The following EPB41L2 variants were observed in gnomAD, a reference collection of about 807,000 sequenced individuals.
EPB41L2 encodes band 4.1-like protein 2.
In EPB41L2, 43 loss-of-function variants were observed where a neutral mutation model predicts 113.0. The ratio of observed to expected loss-of-function variants is 0.38; its 90% CI spans 0.30 to 0.49. The LOEUF is 0.49. EPB41L2 is among the 20% of genes least tolerant of loss of function. EPB41L2 has a pLI of 0.95. For missense variants in EPB41L2, 1,147 were observed against 1,223.4 expected (o/e 0.94, Z 0.93); for synonymous variants, 442 against 436.7 (o/e 1.01, Z -0.15).
Position 130,944,534 on chromosome 6 carries a change from C to A in EPB41L2, c.705+10571G>T, listed in dbSNP as rs535815674. Among the ~76,000 whole-genome samples the A allele has an allele frequency of 3.9e-5, 6 of 152,204 alleles. No individual in the cohort carries two copies. The East Asian group carries it at 1.2e-3, about 29-fold the overall frequency. On this transcript the variant is annotated intron_variant, in intron 3 of 19. Coordinates refer to ENST00000337057, the MANE Select transcript of EPB41L2 (RefSeq NM_001431.4). ...CACAGCAATACAAGAGAGTCTTTCA[C>A]AAGGCAGTGCATGCTTAATTGCCAA...
chr6:130,906,808 G>C (rs1302945437), intron 5 of EPB41L2, among the ~76,000 whole-genome samples: 3 of 152,130 alleles, frequency 2.0e-5, no homozygotes, highest in Non-Finnish European at 4.4e-5. Context: ...AATACAGAAA[G>C]AAAGAGGTAG....
rs183267860 is a variant in EPB41L2, at chr6:131,044,259, G to A, written c.-15+18896C>T. Among the ~76,000 whole-genome samples the A allele has an allele frequency of 7.9e-5, 12 of 151,714 alleles. No homozygotes were observed. The East Asian group carries it at 1.8e-3, about 22-fold the overall frequency. ...CCGGCTGGTCTCAAACTCCTGGGCC[G>A]AAGTGATCCTCTGGCATCAGCCTCC... On this transcript the variant is annotated intron_variant, in intron 1 of 19. Coordinates refer to ENST00000337057, the MANE Select transcript of EPB41L2 (RefSeq NM_001431.4).
intron 19 of EPB41L2, among the ~76,000 whole-genome samples, chr6:130,855,486 C>T (rs1292640971): frequency 5.3e-5 from 8 of 152,150 alleles, no homozygotes; most frequent in Non-Finnish European, 8.8e-5. Flanking sequence ...ATGATTTCTG[C>T]TTATGGGCCC....
At chr6:130,870,227 A>G (rs2128448689) in intron 14 of EPB41L2, 101 bp from the exon 15 acceptor site, 1 of 1,527,896 alleles carries the variant, frequency 6.5e-7, no homozygotes, top group Middle Eastern at 1.7e-4. Context: ...CATGGAGAAA[A>G]ACAAAGATGA....
chr6:130,972,201 G>T (rs2128658001), intron 1 of EPB41L2, among the ~76,000 whole-genome samples: 1 of 152,016 alleles, frequency 6.6e-6, no homozygotes, highest in Middle Eastern at 3.4e-3. Context: ...GCGCATGCCT[G>T]TGGTCCCAGC....
intron 1 of EPB41L2, among the ~76,000 whole-genome samples, chr6:131,011,110 G>A (rs1311509864): frequency 6.6e-6 from 1 of 152,208 alleles, no homozygotes; most frequent in African/African-American, 2.4e-5. Flanking sequence ...TGGCTATTAT[G>A]TAATCAGCAC....
At position 131,044,837 on chromosome 6, in the gene EPB41L2, G is replaced by A. The variant is rs570953981; in HGVS notation, c.-15+18318C>T. Among the ~76,000 whole-genome samples the A allele has an allele frequency of 3.9e-5, 6 of 152,266 alleles. No individual in the cohort carries two copies. The South Asian group carries it at 1.2e-3, about 32-fold the overall frequency. ...TGCAGTGACAGTCCACTGGTGAGTT[G>A]TGAAATTAAGTTTGTGGACTATTGA... On this transcript the variant is annotated intron_variant, in intron 1 of 19. Transcript: ENST00000337057.
intron 12 of EPB41L2, among the ~76,000 whole-genome samples, chr6:130,883,971 T>C (rs1454093431): frequency 6.6e-6 from 1 of 152,186 alleles, no homozygotes; most frequent in Non-Finnish European, 1.5e-5. Flanking sequence ...CCTGAGGCAC[T>C]GGCAGCTACT....
rs1792372094 is a variant in EPB41L2 at position 130,890,308 on chromosome 6, C to T, written c.1646G>A (p.Arg549Lys). 6.2e-7 allele frequency: 1 copy of T among 1,610,354 alleles called. No homozygotes were observed. Among genetic ancestry groups the T allele is most frequent in the Non-Finnish European group, 8.5e-7 (1 of 1,178,600 alleles). The change falls in exon 11 of 20, where the codon AGG (arginine) becomes AAG (lysine). Residue 549 changes from arginine (R) to lysine (K), a missense_variant. Arg to Lys is a conservative substitution (Grantham distance 26). Coordinates refer to ENST00000337057, the MANE Select transcript of EPB41L2 (RefSeq NM_001431.4). ...FERTSSKRVS[R>K]SLDGAPIGVM... is the part of the protein sequence containing the mutation. ...AATGTGTTTACCTCCATCTAGACTC[C>T]TGGAGACCCGTTTACTAGAAGTGCG...
intron 19 of EPB41L2, among the ~76,000 whole-genome samples, chr6:130,841,267 A>G (rs1485218301): frequency 6.6e-6 from 1 of 152,032 alleles, no homozygotes; most frequent in African/African-American, 2.4e-5. Flanking sequence ...GGACGAAAAG[A>G]CCAGTTGGCA....
chr6:130,867,152 C>CACAAACATTCTTAGATATGTCAACTCAGA (rs1784039205), intron 16 of EPB41L2, among the ~76,000 whole-genome samples: 1 of 152,192 alleles, frequency 6.6e-6, no homozygotes, highest in Non-Finnish European at 1.5e-5. Context: ...CCTAAGTGTA[C>CACAAACATTCTTAGATATGTCAACTCAGA]ACAAACATTC....
chr6:131,030,934 C>G (rs1200624332), intron 1 of EPB41L2, among the ~76,000 whole-genome samples: 3 of 149,102 alleles, frequency 2.0e-5, no homozygotes, highest in Non-Finnish European at 4.5e-5. Context: ...AAAAAAGGTA[C>G]AAAAATTAGC....
chr6:130,990,858 G>A (rs189575980), intron 1 of EPB41L2, among the ~76,000 whole-genome samples: 45 of 141,054 alleles, frequency 3.2e-4, no homozygotes, highest in African/African-American at 1.2e-3. Flanking sequence ...GTGGAGTCTC[G>A]CTCTGCCGCC....
At chr6:130,992,662 C>T (rs1228890912) in intron 1 of EPB41L2, among the ~76,000 whole-genome samples, 2 of 149,062 alleles carry the variant, frequency 1.3e-5, no homozygotes, top group African/African-American at 2.5e-5. Context: ...GACAGAGCCT[C>T]GCTCAGTCGC....
chr6:130,922,074 A>G (rs920902222), intron 4 of EPB41L2, among the ~76,000 whole-genome samples: 3 of 152,376 alleles, frequency 2.0e-5, no homozygotes, highest in African/African-American at 7.2e-5. Context: ...ATATGCGCAC[A>G]CGCACGCACG....
chr6:130,991,001 T>C (rs1380630713), intron 1 of EPB41L2, among the ~76,000 whole-genome samples: 1 of 151,998 alleles, frequency 6.6e-6, no homozygotes, highest in African/African-American at 2.4e-5. Context: ...TAATGTTTTT[T>C]TGTATTTTTA....
chr6:130,944,517 T>C (rs1234298126), intron 3 of EPB41L2, among the ~76,000 whole-genome samples: 2 of 152,068 alleles, frequency 1.3e-5, no homozygotes, highest in African/African-American at 4.8e-5. Context: ...AACACAGCAA[T>C]ACAAGAGAGT....
At chr6:130,993,123 GAATTT>G (rs1782273381) in intron 1 of EPB41L2, among the ~76,000 whole-genome samples, 1 of 152,128 alleles carries the variant, frequency 6.6e-6, no homozygotes, top group African/African-American at 2.4e-5. Context: ...TAAGCATAAT[GAATTT>G]AATTGGCAAC....
chr6:131,058,477 C>T (rs1279820639), intron 1 of EPB41L2, among the ~76,000 whole-genome samples: 2 of 152,146 alleles, frequency 1.3e-5, no homozygotes, highest in African/African-American at 4.8e-5. Flanking sequence ...AGCAAATAAA[C>T]ATTACCGACA....
Sources: gnomAD v4.1 joint callset for allele counts (sites outside exome capture counted in the v4.1 genomes callset) on GRCh38, gnomAD v4.1.1 for gene constraint, MANE v1.5 for transcripts, NCBI Gene and HGNC (gene_info 2026-07-23, HGNC 2026-07-21) for gene names.